Variants in KCNT2 observed in about 807,000 individuals in gnomAD.
KCNT2 encodes potassium sodium-activated channel subfamily T member 2, also known as potassium channel subfamily T member 2.
A neutral mutation model predicts 153.8 loss-of-function variants in KCNT2; 67 were observed. The ratio of observed to expected loss-of-function variants is 0.44; its 90% CI spans 0.36 to 0.53. The LOEUF is 0.53. Among genes scored for constraint, KCNT2 ranks in the 20% least tolerant of loss-of-function variants. The probability of loss-of-function intolerance (pLI) is 0.00; values close to 1 mark genes in which losing one functional copy is unlikely to be tolerated. For missense variants in KCNT2, 975 were observed against 1,354.8 expected (o/e 0.72, Z 4.40); for synonymous variants, 500 against 458.8 (o/e 1.09, Z -1.15).
chr1:196,583,979 G>C (rs1001610049), intron 1 of KCNT2, among the ~76,000 whole-genome samples: 3 of 151,934 alleles, frequency 2.0e-5, no homozygotes, highest in Non-Finnish European at 4.4e-5. Context: ...TTACATGGTG[G>C]GATGTTGCCA....
At chr1:196,381,761 A>G (rs1669510184) in intron 13 of KCNT2, among the ~76,000 whole-genome samples, 1 of 152,110 alleles carries the variant, frequency 6.6e-6, no homozygotes, top group African/African-American at 2.4e-5. Context: ...TGAACTGATG[A>G]CTGAGAAAAC....
At chr1:196,473,546 C>A (rs1678274080) in intron 5 of KCNT2, among the ~76,000 whole-genome samples, 1 of 152,162 alleles carries the variant, frequency 6.6e-6, no homozygotes. Context: ...CATGAATGAA[C>A]TTCCCACAGA....
chr1:196,566,543 T>A lies in KCNT2; in HGVS notation c.95+41672A>T, dbSNP rs1263936871. Reference sequence around the variant, plus strand: ...GAAAGTAACATCTTGGGAGGCCCTCTCCATACGTCAGGTGTGAAGTAGTAA... The same window carrying A: ...GAAAGTAACATCTTGGGAGGCCCTCACCATACGTCAGGTGTGAAGTAGTAA... On this transcript the variant is annotated intron_variant, in intron 1 of 27. Transcript: ENST00000294725. Among the ~76,000 whole-genome samples, 3 of 152,064 alleles carry A rather than the reference T, an allele frequency of 2.0e-5. No individual in the cohort carries two copies. In the East Asian group the frequency reaches 5.8e-4, roughly 29 times the overall value.
chr1:196,517,918 C>A (rs1652816823), intron 1 of KCNT2, among the ~76,000 whole-genome samples: 1 of 152,058 alleles, frequency 6.6e-6, no homozygotes, highest in Admixed American at 6.6e-5. Flanking sequence ...ATACAGAGAA[C>A]CCCTGCAAGA....
chr1:196,497,995 T>A (rs1461068393), intron 1 of KCNT2, among the ~76,000 whole-genome samples: 3 of 152,216 alleles, frequency 2.0e-5, no homozygotes, highest in Non-Finnish European at 4.4e-5. Flanking sequence ...ACAATTTAGA[T>A]ACTGCAGAGA....
chr1:196,342,837 C>T (rs1254148809), intron 14 of KCNT2, among the ~76,000 whole-genome samples: 1 of 152,070 alleles, frequency 6.6e-6, no homozygotes, highest in Non-Finnish European at 1.5e-5. Context: ...GTAAGGATCT[C>T]TCCAACTAAC....
intron 1 of KCNT2, among the ~76,000 whole-genome samples, chr1:196,542,443 G>A (rs528216137): frequency 6.6e-6 from 1 of 152,248 alleles, no homozygotes; most frequent in East Asian, 1.9e-4. Flanking sequence ...CCAAAAGATA[G>A]CTTACTGGAT....
chr1:196,506,528 C>T (rs1028978343), intron 1 of KCNT2, among the ~76,000 whole-genome samples: 2 of 152,122 alleles, frequency 1.3e-5, no homozygotes, highest in Non-Finnish European at 2.9e-5. Flanking sequence ...AATTAATCTG[C>T]TCACCTGGGC....
intron 1 of KCNT2, among the ~76,000 whole-genome samples, chr1:196,583,214 G>C (rs1662276973): frequency 6.6e-6 from 1 of 152,028 alleles, no homozygotes; most frequent in South Asian, 2.1e-4. Flanking sequence ...ACAACAATTT[G>C]AGCCATCTAT....
chr1:196,364,235 A>G (rs1667860374), intron 14 of KCNT2, among the ~76,000 whole-genome samples: 1 of 152,188 alleles, frequency 6.6e-6, no homozygotes, highest in South Asian at 2.1e-4. Flanking sequence ...TGTGAACTCT[A>G]CTGGTTTTCC....
At chr1:196,231,402 G>A (rs1341316128) in intron 27 of KCNT2, among the ~76,000 whole-genome samples, 1 of 151,686 alleles carries the variant, frequency 6.6e-6, no homozygotes, top group Non-Finnish European at 1.5e-5. Flanking sequence ...TGCTTCTTGA[G>A]CACCTGTAGG....
intron 1 of KCNT2, among the ~76,000 whole-genome samples, chr1:196,504,584 C>A (rs1196286959): frequency 3.9e-5 from 6 of 152,060 alleles, no homozygotes; most frequent in Non-Finnish European, 2.9e-5. Flanking sequence ...ATTTATAGTC[C>A]TTTGGGTATA....
rs576363885 is a variant in KCNT2 at position 196,441,327 on chromosome 1, T to A, written c.639-11570A>T. On this transcript the variant is annotated intron_variant, in intron 8 of 27. Coordinates refer to ENST00000294725, the MANE Select transcript of KCNT2 (RefSeq NM_198503.5). ...TCAGATTACCCTTAAAAATAAAAAATATATATATATTTAAAAAGTATTCAC... is the reference window on the plus strand; with the variant it reads ...TCAGATTACCCTTAAAAATAAAAAAAATATATATATTTAAAAAGTATTCAC... Among the ~76,000 whole-genome samples the A allele has an allele frequency of 8.2e-4, 124 of 151,292 alleles. 2 individuals carry two copies. In the South Asian group the frequency reaches 0.02, roughly 24 times the overall value.
intron 1 of KCNT2, among the ~76,000 whole-genome samples, chr1:196,498,368 G>A (rs923183924): frequency 6.6e-6 from 1 of 152,136 alleles, no homozygotes; most frequent in African/African-American, 2.4e-5. Flanking sequence ...AGTAGACATA[G>A]ATCACTATCA....
intron 14 of KCNT2, among the ~76,000 whole-genome samples, chr1:196,370,883 C>T (rs1297012202): frequency 6.6e-6 from 1 of 152,038 alleles, no homozygotes; most frequent in Non-Finnish European, 1.5e-5. Context: ...GAATAAAGTG[C>T]TGGTGCATAT....
chr1:196,295,770 C>T (rs558356114), intron 22 of KCNT2, among the ~76,000 whole-genome samples: 88 of 152,004 alleles, frequency 5.8e-4, no homozygotes, highest in Admixed American at 2.6e-3. Flanking sequence ...TTTTATTGAG[C>T]ATAAAAATCA....
intron 1 of KCNT2, among the ~76,000 whole-genome samples, chr1:196,581,597 A>G (rs765163378): frequency 9.2e-5 from 14 of 152,032 alleles, no homozygotes; most frequent in Non-Finnish European, 1.9e-4. Flanking sequence ...GACTCACTCT[A>G]GAGACATTCC....
At chr1:196,445,160 AT>A (rs1675578786) in intron 8 of KCNT2, among the ~76,000 whole-genome samples, 2 of 151,508 alleles carry the variant, frequency 1.3e-5, no homozygotes, top group Middle Eastern at 6.8e-3. Context: ...ATGTTCACAG[AT>A]TTGATAAAAA....
At chr1:196,511,488 C>T (rs943520497) in intron 1 of KCNT2, among the ~76,000 whole-genome samples, 13 of 152,182 alleles carry the variant, frequency 8.5e-5, no homozygotes, top group Admixed American at 5.2e-4. Context: ...TGTCATAGTT[C>T]GGAGCGGTAT....
Sources: allele counts gnomAD v4.1 joint callset (sites outside exome capture counted in the v4.1 genomes callset), GRCh38; gene constraint gnomAD v4.1.1; transcripts MANE v1.5; gene names NCBI Gene and HGNC (gene_info 2026-07-23, HGNC 2026-07-21).